The following TRPS1 variants were observed in gnomAD, a reference collection of about 807,000 sequenced individuals.
TRPS1 encodes transcriptional repressor GATA binding 1, also known as zinc finger transcription factor Trps1.
A neutral mutation model predicts 101.2 loss-of-function variants in TRPS1; 6 were observed. The ratio of observed to expected loss-of-function variants is 0.06; its 90% CI spans 0.03 to 0.12. The LOEUF is 0.12. Among genes scored for constraint, TRPS1 ranks in the 10% least tolerant of loss-of-function variants. The pLI is 1.00. For missense variants in TRPS1, 1,363 were observed against 1,567.0 expected, an observed-to-expected ratio of 0.87 and a Z score of 2.20; for synonymous variants, 578 against 589.8, an observed-to-expected ratio of 0.98 and a Z score of 0.29.
At chr8:115,478,134 A>T (rs188225252) in intron 5 of TRPS1, among the ~76,000 whole-genome samples, 5 of 152,334 alleles carry the variant, frequency 3.3e-5, no homozygotes, top group Admixed American at 2.6e-4. Context: ...CTATATTGCC[A>T]AATAGATGCC....
At chr8:115,542,503 A>G (rs1448153649) in intron 5 of TRPS1, among the ~76,000 whole-genome samples, 1 of 152,156 alleles carries the variant, frequency 6.6e-6, no homozygotes, top group Admixed American at 6.6e-5. Flanking sequence ...ACTGAAAGGA[A>G]AAACGCCAGA....
intron 5 of TRPS1, among the ~76,000 whole-genome samples, chr8:115,533,450 T>TTTTTTTTG (rs1816197727): frequency 1.5e-5 from 2 of 130,072 alleles, no homozygotes; most frequent in African/African-American, 3.3e-5. Flanking sequence ...TTTTTTTTTT[T>TTTTTTTTG]TTTTTTTTTC....
At position 115,415,102 on chromosome 8, in the gene TRPS1, A is replaced by G. The variant is rs759101219; in HGVS notation, c.2824-18T>C. On this transcript the variant is annotated intron_variant, in intron 6 of 6. Coordinates refer to ENST00000395715, the MANE Select transcript of TRPS1 (RefSeq NM_014112.5). ...CTGGGAGTCTGCAGAGAACACATAC[A>G]ATACATAAAAGGAAAACATTAAAAA... 1.2e-5 allele frequency: 19 copies of G among 1,583,630 alleles called. No individual in the cohort carries two copies. The Admixed American group carries it at 3.2e-4, about 26-fold the overall frequency.
At chr8:115,543,682 T>C (rs1816506294) in intron 5 of TRPS1, among the ~76,000 whole-genome samples, 1 of 152,240 alleles carries the variant, frequency 6.6e-6, no homozygotes, top group African/African-American at 2.4e-5. Context: ...CTTCTTTTTA[T>C]GTACCAGGAG....
chr8:115,432,572 T>C (rs1056987671), intron 5 of TRPS1, among the ~76,000 whole-genome samples: 1 of 151,964 alleles, frequency 6.6e-6, no homozygotes, highest in East Asian at 1.9e-4. Context: ...ATGGACTGAT[T>C]AGTATCAAAC....
In TRPS1 at chr8:115,488,578, G is replaced by A. The variant is rs574577164; in HGVS notation, c.2701-70126C>T. On this transcript the variant is annotated intron_variant, in intron 5 of 6. Transcript: ENST00000395715. ...TAGTCCCAGCTACTCAAAAGGCTGA[G>A]GCAGGAGAATTACTTGAATCCAGGA... is the stretch of plus-strand genomic sequence containing the variant. 7.9e-5 allele frequency among the ~76,000 whole-genome samples: 12 copies of A among 152,264 alleles called. No homozygotes were observed. The South Asian group carries it at 2.5e-3, about 32-fold the overall frequency.
chr8:115,508,074 T>C (rs1006253121), intron 5 of TRPS1, among the ~76,000 whole-genome samples: 5 of 152,136 alleles, frequency 3.3e-5, no homozygotes, highest in Admixed American at 1.3e-4. Context: ...TGAATAGTAA[T>C]GACCACCTTA....
rs559663471 is a variant in TRPS1 at position 115,626,025 on chromosome 8, C to T, written c.-121-2267G>A. ...AAAAGTATGTTTTCTTCCATGCTTG[C>T]TTGTATACACATCAGCATAAGAGTA... On this transcript the variant is annotated intron_variant, in intron 1 of 6. Coordinates refer to ENST00000395715, the MANE Select transcript of TRPS1 (RefSeq NM_014112.5). Among the ~76,000 whole-genome samples, 11 of 151,886 alleles carry T rather than the reference C, an allele frequency of 7.2e-5. No homozygotes were observed. The South Asian group carries it at 2.3e-3, about 31-fold the overall frequency.
chr8:115,644,234 G>A (rs1238729318), intron 1 of TRPS1, among the ~76,000 whole-genome samples: 1 of 152,142 alleles, frequency 6.6e-6, no homozygotes, highest in Non-Finnish European at 1.5e-5. Context: ...CTTTGAATGT[G>A]CTCCTTTGTC....
At chr8:115,581,605 T>G (rs1416255173) in intron 5 of TRPS1, among the ~76,000 whole-genome samples, 1 of 152,128 alleles carries the variant, frequency 6.6e-6, no homozygotes, top group Non-Finnish European at 1.5e-5. Flanking sequence ...TTAGATTGCT[T>G]AAAAATCTCA....
intron 5 of TRPS1, among the ~76,000 whole-genome samples, chr8:115,526,104 C>T (rs1815990391): frequency 6.6e-6 from 1 of 151,932 alleles, no homozygotes; most frequent in Non-Finnish European, 1.5e-5. Flanking sequence ...CGTTCTGGGT[C>T]TCGAGAGCAG....
At chr8:115,534,866 G>C (rs930333931) in intron 5 of TRPS1, among the ~76,000 whole-genome samples, 1 of 151,908 alleles carries the variant, frequency 6.6e-6, no homozygotes, top group Non-Finnish European at 1.5e-5. Flanking sequence ...ATAAATACTA[G>C]TTTTAAAGTT....
Position 115,587,294 on chromosome 8 carries a change from G to C in TRPS1, c.2407C>G (p.Arg803Gly). The C allele has an allele frequency of 6.2e-7, 1 of 1,614,182 alleles. No individual in the cohort carries two copies. The highest frequency in any genetic ancestry group is 1.3e-5 in the African/African-American group (1 of 75,058). ...VWTESSSDDLRNVTWRGADIL... is the reference protein window; with the variant it reads ...VWTESSSDDLGNVTWRGADIL... The stretch of plus-strand genomic sequence containing the variant: ...TCTGCCCCTCTCCAAGTCACATTGC[G>C]AAGGTCATCACTGGAACTCTCGGTC... The change falls in exon 5 of 7, where the codon CGC becomes GGC. Residue 803 changes from arginine to glycine, a missense_variant. Physicochemically the swap from Arg to Gly is moderately radical, Grantham distance 125. Coordinates refer to ENST00000395715, the MANE Select transcript of TRPS1 (RefSeq NM_014112.5).
intron 5 of TRPS1, among the ~76,000 whole-genome samples, chr8:115,475,266 TTATATATATATATATATATATA>T (rs33922102): frequency 0.38 from 47,109 of 124,130 alleles, 9,606 homozygotes; most frequent in Non-Finnish European, 0.48. Flanking sequence ...TGAATCACAG[TTATATATATATATATATATATA>T]TATATATATA....
At chr8:115,590,682 C>T (rs1338921471) in intron 4 of TRPS1, among the ~76,000 whole-genome samples, 1 of 152,210 alleles carries the variant, frequency 6.6e-6, no homozygotes, top group East Asian at 1.9e-4. Flanking sequence ...AAGCTTCAAA[C>T]TTTGGCTCTG....
intron 5 of TRPS1, among the ~76,000 whole-genome samples, chr8:115,546,987 G>A (rs936574772): frequency 1.3e-5 from 2 of 152,176 alleles, no homozygotes; most frequent in Admixed American, 6.5e-5. Context: ...AACTGCCAGT[G>A]TAGTTGTCAA....
chr8:115,586,009 A>C (rs1289963367), intron 5 of TRPS1, among the ~76,000 whole-genome samples: 1 of 152,216 alleles, frequency 6.6e-6, no homozygotes, highest in Non-Finnish European at 1.5e-5. Context: ...TTTTCTCCCC[A>C]GAATACATCC....
intron 5 of TRPS1, among the ~76,000 whole-genome samples, chr8:115,496,355 T>C (rs993838810): frequency 6.6e-6 from 1 of 152,174 alleles, no homozygotes; most frequent in African/African-American, 2.4e-5. Context: ...AAATAAGCAA[T>C]GTACTCTTTA....
intron 4 of TRPS1, among the ~76,000 whole-genome samples, chr8:115,594,319 G>A (rs1347881749): frequency 6.6e-6 from 1 of 151,998 alleles, no homozygotes; most frequent in African/African-American, 2.4e-5. Flanking sequence ...AAAAAAAGAT[G>A]TCATTTTATA....
Sources: allele counts gnomAD v4.1 joint callset (sites outside exome capture counted in the v4.1 genomes callset), GRCh38; gene constraint gnomAD v4.1.1; transcripts MANE v1.5; gene names NCBI Gene and HGNC (gene_info 2026-07-23, HGNC 2026-07-21).